PIWIL2: variants seen among roughly 807,000 people sequenced by gnomAD.
PIWIL2 encodes the protein piwi like RNA-mediated gene silencing 2, also known as piwi-like protein 2.
A neutral mutation model predicts 116.5 loss-of-function variants in PIWIL2; 81 were observed. The ratio of observed to expected loss-of-function variants is 0.70; its 90% CI spans 0.58 to 0.84. PIWIL2 has a LOEUF of 0.84. Ranked by LOEUF, PIWIL2 falls within the 40% of genes least tolerant of loss-of-function variation. The pLI is 0.00. For synonymous variants in PIWIL2, 489 were observed against 429.5 expected (o/e 1.14, Z -1.71); for missense variants, 1,272 against 1,212.3 (o/e 1.05, Z -0.73).
chr8:22,289,535 C>T (rs996150132), intron 8 of PIWIL2, among the ~76,000 whole-genome samples: 4 of 152,188 alleles, frequency 2.6e-5, no homozygotes, highest in African/African-American at 9.6e-5. Context: ...ACACACTTAG[C>T]AATGGGCTGT....
intron 20 of PIWIL2, among the ~76,000 whole-genome samples, chr8:22,340,337 G>A (rs1003412529): frequency 1.3e-5 from 2 of 152,064 alleles, no homozygotes; most frequent in African/African-American, 2.4e-5. Flanking sequence ...AATTACAGGC[G>A]TGAGCCACCA....
chr8:22,309,951 T>C lies in PIWIL2; in HGVS notation c.1687-10T>C. On this transcript the variant is annotated splice_polypyrimidine_tract_variant and intron_variant, in intron 14 of 22. Coordinates refer to ENST00000356766, the MANE Select transcript of PIWIL2 (RefSeq NM_018068.5). ...AGGCTCATGTCATAGATGGTTTATT[T>C]TCTGTTTAGATTGAAGGACGTGTTC... 1 of 1,515,250 alleles carries C rather than the reference T, an allele frequency of 6.6e-7. No homozygotes were observed. The highest frequency in any genetic ancestry group is 1.7e-4 in the Middle Eastern group (1 of 5,850). The allele number at this position is 1,515,250 out of a possible 1,614,324, so 93.9% of individuals were successfully genotyped here. A position where few individuals can be genotyped will look rare whatever the true frequency, so the allele number is the denominator to read the frequency against.
intron 20 of PIWIL2, among the ~76,000 whole-genome samples, chr8:22,323,012 G>C (rs1054964082): frequency 2.7e-5 from 4 of 150,542 alleles, no homozygotes; most frequent in Non-Finnish European, 5.9e-5. Context: ...CGCCTCCCCG[G>C]TTCAAGCACT....
Position 22,354,345 on chromosome 8 carries a change from A to G in PIWIL2, c.2732A>G (p.Asn911Ser), listed in dbSNP as rs1832442469. The change falls in exon 22 of 23, where the codon AAC becomes AGC. Residue 911 changes from asparagine (N) to serine (S), a missense_variant. Physicochemically the swap from Asn to Ser is conservative, Grantham distance 46. Coordinates refer to ENST00000356766, the MANE Select transcript of PIWIL2 (RefSeq NM_018068.5). ...CCTACGCATTATGTCTGTGTTCTCA[A>G]CACCGCAAACCTGAGCCCTGATCAT... is the stretch of plus-strand genomic sequence containing the variant. ...GIPTHYVCVLNTANLSPDHMQ... is the reference protein window; with the variant it reads ...GIPTHYVCVLSTANLSPDHMQ... The G allele has an allele frequency of 6.2e-7, 1 of 1,613,140 alleles. No homozygotes were observed.
At chr8:22,287,476 A>G in intron 6 of PIWIL2, 52 bp from the exon 7 acceptor site, 2 of 1,131,532 alleles carry the variant, frequency 1.8e-6, no homozygotes, top group Non-Finnish European at 1.4e-6. Context: ...AGCTCTGGTA[A>G]AGATTGCAGT....
At chr8:22,318,739 GCTC>G (rs1831526880) in intron 20 of PIWIL2, among the ~76,000 whole-genome samples, 1 of 152,236 alleles carries the variant, frequency 6.6e-6, no homozygotes. Flanking sequence ...GCAGCTCAGA[GCTC>G]CTCCTTTCAG....
intron 10 of PIWIL2, among the ~76,000 whole-genome samples, chr8:22,296,020 C>CTTTTTTTTTTTTTTTTTTTTT (rs67357452): frequency 9.7e-5 from 10 of 102,834 alleles, no homozygotes; most frequent in Admixed American, 2.0e-4. Flanking sequence ...CTCTTCCCTT[C>CTTTTTTTTTTTTTTTTTTTTT]TTTTTTTTTT....
chr8:22,314,255 C>T, intron 16 of PIWIL2, 73 bp from the exon 17 acceptor site: 1 of 692,366 alleles, frequency 1.4e-6, no homozygotes. Context: ...ACTCAGAATA[C>T]TGCCAACTAG....
chr8:22,280,174 T>C (rs966961133), intron 2 of PIWIL2, among the ~76,000 whole-genome samples: 2 of 152,166 alleles, frequency 1.3e-5, no homozygotes, highest in African/African-American at 4.8e-5. Flanking sequence ...CATCTGTAAT[T>C]GTTAGGTCTA....
chr8:22,341,510 G>A (rs971872976), intron 20 of PIWIL2, among the ~76,000 whole-genome samples: 1 of 149,222 alleles, frequency 6.7e-6, no homozygotes, highest in Non-Finnish European at 1.5e-5. Context: ...CAGGAGAATC[G>A]CTTAAACCTG....
intron 20 of PIWIL2, among the ~76,000 whole-genome samples, chr8:22,337,811 T>C (rs1410112012): frequency 1.3e-5 from 2 of 151,918 alleles, no homozygotes; most frequent in African/African-American, 4.8e-5. Context: ...ATTGAAGATC[T>C]AGGCCAGGCG....
In PIWIL2 at chr8:22,283,173, G is replaced by T. The variant is rs993242010; in HGVS notation, c.565G>T (p.Ala189Ser). Residue 189 changes from alanine (A) to serine (S), a missense_variant, in exon 5 of 23, where the codon GCT becomes TCT. Physicochemically the swap from Ala to Ser is moderately conservative, Grantham distance 99. Transcript: ENST00000356766. ...RGPPQLSSPPALPQSPLHSPD... is the reference protein window; with the variant it reads ...RGPPQLSSPPSLPQSPLHSPD... ...TCCCCCGCAGCTGTCATCACCACCA[G>T]CTCTGCCCCAGTCTCCCCTGCACTC... 7 of 1,614,178 alleles carry T rather than the reference G, an allele frequency of 4.3e-6. No homozygotes were observed. Among genetic ancestry groups the T allele is most frequent in the Non-Finnish European group, 5.9e-6 (7 of 1,180,034 alleles).
In PIWIL2 at chr8:22,310,027, G is replaced by T; in HGVS notation, c.1753G>T (p.Glu585Ter). 5.0e-6 allele frequency: 8 copies of T among 1,611,574 alleles called. No individual in the cohort carries two copies. The highest frequency in any genetic ancestry group is 6.8e-6 in the Non-Finnish European group (8 of 1,177,714). The change falls in exon 15 of 23, where the codon GAA becomes TAA. Residue 585 changes from glutamate (E) to a stop codon, truncating the protein, a stop_gained. Coordinates refer to ENST00000356766, the MANE Select transcript of PIWIL2 (RefSeq NM_018068.5). LOFTEE classifies it high-confidence loss of function. The part of the protein sequence containing the change: ...LKNTSFITSQ[E>*]LNWVKEVTRD... ...AAATACTTCGTTTATCACATCTCAG[G>T]AACTAAACTGGGTTAAGGAAGTAAC...
intron 19 of PIWIL2, 47 bp from the exon 20 acceptor site, chr8:22,318,123 A>G: frequency 1.6e-6 from 2 of 1,214,582 alleles, no homozygotes; most frequent in Middle Eastern, 2.3e-4. Flanking sequence ...CCCTTCGAGC[A>G]TTTGTTCATC....
intron 20 of PIWIL2, among the ~76,000 whole-genome samples, chr8:22,319,277 T>C (rs1324312244): frequency 3.9e-5 from 6 of 152,242 alleles, no homozygotes; most frequent in East Asian, 1.9e-4. Flanking sequence ...GCAAATACTT[T>C]AATACTGTTC....
At chr8:22,302,613 G>T (rs972465641) in intron 10 of PIWIL2, among the ~76,000 whole-genome samples, 42 of 152,040 alleles carry the variant, frequency 2.8e-4, no homozygotes, top group African/African-American at 9.9e-4. Flanking sequence ...GCTTCCTAGT[G>T]ATCACCCCCT....
rs67357452 is a variant in PIWIL2 at position 22,296,020 on chromosome 8, C to CTTT, written c.1181+5710_1181+5712dup. The stretch of plus-strand genomic sequence containing the variant: ...ACTGTCTTGGGGTTCCTCTTCCCTT[C>CTTT]TTTTTTTTTTTTTTTTTTTTTTTTT... On this transcript the variant is annotated intron_variant, in intron 10 of 22. Transcript: ENST00000356766. Among the ~76,000 whole-genome samples the CTTT allele has an allele frequency of 9.0e-4, 93 of 102,804 alleles. 1 individual carries two copies. The highest frequency in any genetic ancestry group is 1.4e-3 in the Non-Finnish European group (67 of 49,130). 67.4% of individuals were successfully genotyped at this position (102,804 alleles called of 152,430 possible).
rs753914782 is a variant in PIWIL2, at chr8:22,308,021, C to G, written c.1634C>G (p.Ala545Gly). The G allele has an allele frequency of 1.9e-6, 3 of 1,613,778 alleles. No homozygotes were observed. The highest frequency in any genetic ancestry group is 2.2e-5 in the East Asian group (1 of 44,882). The change falls in exon 14 of 23, where the codon GCC becomes GGC. Residue 545 changes from alanine (A) to glycine (G), a missense_variant. Transcript: ENST00000356766. ...LLQRIAKNEA[A>G]TNELMRWGLR... The stretch of plus-strand genomic sequence containing the variant: ...CAAAGAATTGCAAAGAACGAGGCAG[C>G]CACCAATGAACTGATGCGTTGGGGG...
At chr8:22,277,288 C>T (rs1296300085) in intron 1 of PIWIL2, among the ~76,000 whole-genome samples, 1 of 152,188 alleles carries the variant, frequency 6.6e-6, no homozygotes, top group African/African-American at 2.4e-5. Flanking sequence ...TCCCAAAGTG[C>T]TGTGATTACA....
Sources: gnomAD v4.1 joint callset for allele counts (sites outside exome capture counted in the v4.1 genomes callset) on GRCh38, gnomAD v4.1.1 for gene constraint, MANE v1.5 for transcripts, NCBI Gene and HGNC (gene_info 2026-07-23, HGNC 2026-07-21) for gene names.